TMEM232: variants seen among roughly 807,000 people sequenced by gnomAD.
The protein encoded by TMEM232 is transmembrane protein 232.
In TMEM232, 80 loss-of-function variants were observed where a neutral mutation model predicts 78.8. That is an observed-to-expected ratio of 1.01 (90% CI 0.85 to 1.22). TMEM232 has a LOEUF of 1.22. Ranked by LOEUF, TMEM232 falls within the 50% of genes most tolerant of loss-of-function variation. The pLI is 0.00. For synonymous variants in TMEM232, 297 were observed against 254.3 expected, an observed-to-expected ratio of 1.17 and a Z score of -1.60; for missense variants, 881 against 742.2, an observed-to-expected ratio of 1.19 and a Z score of -2.17.
intron 12 of TMEM232, among the ~76,000 whole-genome samples, chr5:110,489,133 G>T (rs1437177494): frequency 2.6e-5 from 4 of 151,854 alleles, no homozygotes; most frequent in Non-Finnish European, 5.9e-5. Flanking sequence ...GATATTTAAA[G>T]AATTAACATC....
chr5:110,592,622 C>T (rs975656172), intron 10 of TMEM232, among the ~76,000 whole-genome samples: 5 of 151,736 alleles, frequency 3.3e-5, no homozygotes, highest in African/African-American at 4.8e-5. Context: ...AGTTCAAGTG[C>T]GAACATAAGA....
rs139687117 is a variant in TMEM232, at chr5:110,528,713, T to C, written c.1578A>G (p.Leu526=). 3.9e-4 allele frequency: 602 copies of C among 1,534,930 alleles called. 4 individuals carry two copies. In the African/African-American group the frequency reaches 7.3e-3, roughly 19 times the overall value. ...GWRIANTLSK[L]FFPPIEAHFL... is the part of the protein sequence containing the mutation. ...AATGGGCCTCAATGGGGGGAAAGAA[T>C]AGTTTGGAAAGAGTGTTGGCAATTC... The change falls in exon 12 of 14, where the codon CTA becomes CTG. Residue 526 remains leucine (L), a synonymous_variant. Transcript: ENST00000455884.
chr5:110,545,015 C>G (rs74847180), intron 11 of TMEM232, among the ~76,000 whole-genome samples: 11,387 of 152,144 alleles, frequency 0.075, 530 homozygotes, highest in South Asian at 0.2. Flanking sequence ...CCTCTCTGAG[C>G]ATGATTCCTT....
At chr5:110,509,658 A>G (rs1313454410) in intron 12 of TMEM232, among the ~76,000 whole-genome samples, 1 of 152,136 alleles carries the variant, frequency 6.6e-6, no homozygotes, top group Non-Finnish European at 1.5e-5. Context: ...CTTCCCATGT[A>G]ATGCATTTAA....
chr5:110,675,677 T>C (rs754310662), intron 1 of TMEM232, among the ~76,000 whole-genome samples: 7 of 152,298 alleles, frequency 4.6e-5, no homozygotes, highest in Non-Finnish European at 1.0e-4. Context: ...GAATTGTATA[T>C]ATTTATGTTG....
At chr5:110,656,270 C>T (rs1789040303) in intron 2 of TMEM232, among the ~76,000 whole-genome samples, 1 of 152,108 alleles carries the variant, frequency 6.6e-6, no homozygotes, top group African/African-American at 2.4e-5. Context: ...TCAAGTTGAT[C>T]ATAGTGTACA....
At chr5:110,603,398 C>G (rs1781193433) in intron 10 of TMEM232, among the ~76,000 whole-genome samples, 1 of 151,958 alleles carries the variant, frequency 6.6e-6, no homozygotes, top group Admixed American at 6.6e-5. Context: ...TAAGATTATG[C>G]CAGAGTACAG....
At chr5:110,668,494 T>A (rs1273118957) in intron 1 of TMEM232, among the ~76,000 whole-genome samples, 1 of 152,026 alleles carries the variant, frequency 6.6e-6, no homozygotes, top group Non-Finnish European at 1.5e-5. Flanking sequence ...TGAAGAAGAA[T>A]GGAAAGCAGA....
At chr5:110,492,081 TGA>T (rs2149421422) in intron 12 of TMEM232, among the ~76,000 whole-genome samples, 1 of 151,818 alleles carries the variant, frequency 6.6e-6, no homozygotes, top group South Asian at 2.1e-4. Context: ...ACAAAAACCT[TGA>T]GAGAATAATA....
chr5:110,464,907 A>T (rs1361041622), intron 12 of TMEM232, among the ~76,000 whole-genome samples: 4 of 152,208 alleles, frequency 2.6e-5, no homozygotes, highest in African/African-American at 9.6e-5. Flanking sequence ...TACATTTCTA[A>T]GAACCTTGAG....
intron 12 of TMEM232, among the ~76,000 whole-genome samples, chr5:110,478,360 T>A (rs1763481438): frequency 6.6e-6 from 1 of 151,980 alleles, no homozygotes; most frequent in Non-Finnish European, 1.5e-5. Flanking sequence ...TTGAAATCAC[T>A]GTCCTCAGCA....
At chr5:110,389,131 C>T (rs993992173) in intron 4 of TMEM232, among the ~76,000 whole-genome samples, 3 of 152,064 alleles carry the variant, frequency 2.0e-5, no homozygotes, top group Non-Finnish European at 2.9e-5. Flanking sequence ...CAAGTTGGCA[C>T]ATGCCTGTTA....
downstream of TMEM232, among the ~76,000 whole-genome samples, chr5:110,415,226 C>T (rs138492084): frequency 0.011 from 1,677 of 150,272 alleles, 32 homozygotes; most frequent in African/African-American, 0.039. Context: ...CTCACCCTGT[C>T]GCCCAGGCCG....
intron 11 of TMEM232, among the ~76,000 whole-genome samples, chr5:110,540,957 C>T (rs575644085): frequency 2.6e-5 from 4 of 152,238 alleles, no homozygotes; most frequent in Middle Eastern, 3.4e-3. Context: ...GGGGACTTAA[C>T]GCCTATAGCA....
chr5:110,584,955 T>A (rs972435841), intron 10 of TMEM232, among the ~76,000 whole-genome samples: 7 of 152,158 alleles, frequency 4.6e-5, no homozygotes, highest in Admixed American at 4.6e-4. Context: ...TTTAGCACCA[T>A]AAATACTTTG....
intron 2 of TMEM232, among the ~76,000 whole-genome samples, chr5:110,398,978 G>C (rs1033973889): frequency 6.6e-6 from 1 of 152,044 alleles, no homozygotes; most frequent in East Asian, 1.9e-4. Context: ...TGGACATCTG[G>C]GGGTATTTCT....
At chr5:110,728,676 A>T (rs1798383042), upstream of TMEM232, among the ~76,000 whole-genome samples, 1 of 151,006 alleles carries the variant, frequency 6.6e-6, no homozygotes, top group Non-Finnish European at 1.5e-5. Context: ...AAGTTTTGAC[A>T]AGACAAATCT....
At chr5:110,670,620 G>C (rs1476892282) in intron 1 of TMEM232, among the ~76,000 whole-genome samples, 2 of 151,822 alleles carry the variant, frequency 1.3e-5, no homozygotes, top group Non-Finnish European at 2.9e-5. Context: ...AAAGCAAATG[G>C]GATTTTTTTT....
At position 110,482,568 on chromosome 5, in the gene TMEM232, T is replaced by A. The variant is rs559949021; in HGVS notation, c.1703+46020A>T. On this transcript the variant is annotated intron_variant, in intron 12 of 13. Coordinates refer to ENST00000455884, the MANE Select transcript of TMEM232 (RefSeq NM_001039763.4). Reference sequence around the variant, plus strand: ...TGCACTCCAGCCTGGGCGACAAGAGTGAAACTCCATCTCAAAAAAAATTTA... The same window carrying A: ...TGCACTCCAGCCTGGGCGACAAGAGAGAAACTCCATCTCAAAAAAAATTTA... Among the ~76,000 whole-genome samples the A allele has an allele frequency of 8.1e-5, 12 of 148,092 alleles. No individual in the cohort carries two copies. In the East Asian group the frequency reaches 1.6e-3, roughly 19 times the overall value.
Sources: allele counts gnomAD v4.1 joint callset (sites outside exome capture counted in the v4.1 genomes callset), GRCh38; gene constraint gnomAD v4.1.1; transcripts MANE v1.5; gene names NCBI Gene and HGNC (gene_info 2026-07-23, HGNC 2026-07-21).